The following DHX40 variants were observed in gnomAD, a reference collection of about 807,000 sequenced individuals.
DHX40 encodes the protein DEAH-box helicase 40, also known as probable ATP-dependent RNA helicase DHX40.
DHX40 carries 28 observed loss-of-function variants against 89.6 expected under a neutral mutation model. The ratio of observed to expected loss-of-function variants is 0.31; its 90% CI spans 0.23 to 0.43. DHX40 has a LOEUF of 0.43. Among genes scored for constraint, DHX40 ranks in the 20% least tolerant of loss-of-function variants. The probability of loss-of-function intolerance (pLI) is 1.00; values close to 1 mark genes in which losing one functional copy is unlikely to be tolerated. For synonymous variants in DHX40, 226 were observed against 283.6 expected (o/e 0.80, Z 2.04); for missense variants, 457 against 844.0 (o/e 0.54, Z 5.68).
In DHX40 at chr17:59,570,103, TTATAA is replaced by T. The variant is rs527849005; in HGVS notation, c.281-410_281-406del. ...ATTTATATATAATATATAGTATATATTATAATATATTATAATGTATATTTATATAT... is the reference window on the plus strand; with the variant it reads ...ATTTATATATAATATATAGTATATATTATATTATAATGTATATTTATATAT... On this transcript the variant is annotated intron_variant, in intron 2 of 17. Coordinates refer to ENST00000251241, the MANE Select transcript of DHX40 (RefSeq NM_024612.5). 1.5e-3 allele frequency among the ~76,000 whole-genome samples: 198 copies of T among 127,792 alleles called. No homozygotes were observed. The East Asian group carries it at 0.028, about 18-fold the overall frequency. The allele number at this position is 127,792 out of a possible 152,430, so 83.8% of individuals were successfully genotyped here. A position where few individuals can be genotyped will look rare whatever the true frequency, so the allele number is the denominator to read the frequency against.
chr17:59,588,633 GGTT>G (rs534734070), intron 12 of DHX40, among the ~76,000 whole-genome samples: 2,622 of 151,982 alleles, frequency 0.017, 82 homozygotes, highest in African/African-American at 0.06. Context: ...CGCCCAGCCG[GGTT>G]GTTTTCTTAT....
chr17:59,587,572 C>G lies in DHX40; in HGVS notation c.1425-324C>G, dbSNP rs557511592. On this transcript the variant is annotated intron_variant, in intron 11 of 17. Transcript: ENST00000251241. ...TCCCGGGTTTGAGTGATTCTCCTGC[C>G]TCAGCCTCCCAAGTAGCAGGGACTA... 7.3e-3 allele frequency among the ~76,000 whole-genome samples: 1,110 copies of G among 151,426 alleles called. 12 individuals are homozygous for G. Among genetic ancestry groups the G allele is most frequent in the African/African-American group, 0.026 (1,060 of 41,218 alleles).
intron 2 of DHX40, among the ~76,000 whole-genome samples, chr17:59,569,806 G>C (rs2048766500): frequency 6.9e-6 from 1 of 145,364 alleles, no homozygotes; most frequent in Non-Finnish European, 1.5e-5. Flanking sequence ...AGTACTTTGG[G>C]AGGCAGAGGC....
At chr17:59,588,077 G>A in intron 12 of DHX40, 24 bp downstream of exon 12, 1 of 1,610,070 alleles carries the variant, frequency 6.2e-7, no homozygotes. Context: ...TTTAAGTTGT[G>A]TTTTTTAAAA....
intron 12 of DHX40, among the ~76,000 whole-genome samples, chr17:59,591,616 C>T (rs1032926111): frequency 6.6e-6 from 1 of 151,028 alleles, no homozygotes; most frequent in African/African-American, 2.4e-5. Context: ...TATATAATTT[C>T]AAATAAGAAT....
chr17:59,577,418 A>T, intron 8 of DHX40, 53 bp downstream of exon 8: 1 of 1,448,754 alleles, frequency 6.9e-7, no homozygotes, highest in Non-Finnish European at 9.7e-7. Flanking sequence ...GTTACTAAAC[A>T]TTAGCTAAAC....
chr17:59,606,136 T>C (rs2030837249), intron 17 of DHX40, among the ~76,000 whole-genome samples: 2 of 151,920 alleles, frequency 1.3e-5, no homozygotes, highest in South Asian at 4.2e-4. Context: ...AGCCTCTGCC[T>C]CCCGGTTCAA....
chr17:59,599,569 CT>C, intron 14 of DHX40, 86 bp downstream of exon 14: 1 of 993,520 alleles, frequency 1.0e-6, no homozygotes, highest in Non-Finnish European at 1.4e-6. Context: ...CATTAGCACC[CT>C]TTCTATTCTA....
chr17:59,602,515 T>C lies in DHX40; in HGVS notation c.1807-7T>C, dbSNP rs1334041924. 6.2e-7 allele frequency: 1 copy of C among 1,608,630 alleles called. No individual in the cohort carries two copies. The highest frequency in any genetic ancestry group is 2.2e-5 in the East Asian group (1 of 44,800). ...GATTTACCACTCTCTACATATTCTTTTTATAGCAAAGTGATTTCCCAAAAG... is the reference window on the plus strand; with the variant it reads ...GATTTACCACTCTCTACATATTCTTCTTATAGCAAAGTGATTTCCCAAAAG... On this transcript the variant is annotated splice_polypyrimidine_tract_variant and splice_region_variant and intron_variant, in intron 14 of 17. Transcript: ENST00000251241.
In DHX40 at chr17:59,572,964, T is replaced by A. The variant is rs577832134; in HGVS notation, c.427-152T>A. The A allele has an allele frequency of 6.8e-5, 50 of 738,522 alleles. No homozygotes were observed. The Admixed American group carries it at 1.2e-3, about 17-fold the overall frequency. The allele number at this position is 738,522 out of a possible 1,614,324, so 45.7% of individuals were successfully genotyped here. A position where few individuals can be genotyped will look rare whatever the true frequency, so the allele number is the denominator to read the frequency against. The stretch of plus-strand genomic sequence containing the variant: ...TGTATAGACAGCATGTTTTGTAACT[T>A]ACCATCATTTTGTATACATAAGTTA... On this transcript the variant is annotated intron_variant, in intron 3 of 17. Coordinates refer to ENST00000251241, the MANE Select transcript of DHX40 (RefSeq NM_024612.5).
At chr17:59,570,491 G>A in intron 2 of DHX40, 27 bp from the exon 3 acceptor site, 2 of 1,574,198 alleles carry the variant, frequency 1.3e-6, no homozygotes, top group African/African-American at 1.4e-5. Context: ...TAACATTGTT[G>A]TGTTTCTTTA....
At chr17:59,591,260 G>A (rs1377286242) in intron 12 of DHX40, among the ~76,000 whole-genome samples, 16 of 151,434 alleles carry the variant, frequency 1.1e-4, no homozygotes, top group South Asian at 2.1e-4. Flanking sequence ...AGCTGAGATC[G>A]TGCCACTGCA....
intron 1 of DHX40, 96 bp from the exon 2 acceptor site, chr17:59,566,531 C>T (rs1249830107): frequency 1.5e-5 from 19 of 1,266,706 alleles, no homozygotes; most frequent in Non-Finnish European, 2.0e-5. Flanking sequence ...CCGTCCAGCC[C>T]TAAAATTCTA....
chr17:59,570,739 C>T (rs1433654101), intron 3 of DHX40, 76 bp downstream of exon 3: 7 of 1,446,434 alleles, frequency 4.8e-6, no homozygotes, highest in Admixed American at 2.2e-5. Flanking sequence ...GCCTGGAGTG[C>T]GTGGCGCAAT....
chr17:59,586,534 T>G (rs2048999557), intron 11 of DHX40, among the ~76,000 whole-genome samples: 1 of 151,358 alleles, frequency 6.6e-6, no homozygotes, highest in African/African-American at 2.4e-5. Context: ...GGCGTGGTGG[T>G]GGGCGCCTGT....
chr17:59,568,924 A>G lies in DHX40; in HGVS notation c.281-1594A>G, dbSNP rs564521832. Among the ~76,000 whole-genome samples, 6 of 151,828 alleles carry G rather than the reference A, an allele frequency of 4.0e-5. No homozygotes were observed. The South Asian group carries it at 1.0e-3, about 26-fold the overall frequency. ...ACTATGTCGCCCAGGCTGATCTCAA[A>G]CTCCTGAGTTCAAGCAATCCTCCTA... is the stretch of plus-strand genomic sequence containing the variant. On this transcript the variant is annotated intron_variant, in intron 2 of 17. Transcript: ENST00000251241.
At chr17:59,581,068 C>T (rs1300369481) in intron 10 of DHX40, among the ~76,000 whole-genome samples, 2 of 150,156 alleles carry the variant, frequency 1.3e-5, no homozygotes, top group African/African-American at 2.5e-5. Flanking sequence ...GTCAACAGAG[C>T]GAGATTCTGT....
At chr17:59,597,732 C>G (rs1289890867) in intron 12 of DHX40, among the ~76,000 whole-genome samples, 1 of 149,782 alleles carries the variant, frequency 6.7e-6, no homozygotes, top group Non-Finnish European at 1.5e-5. Flanking sequence ...GTCAGGAGAT[C>G]GAGACCATCC....
At chr17:59,570,198 A>G (rs1377736915) in intron 2 of DHX40, among the ~76,000 whole-genome samples, 2 of 118,454 alleles carry the variant, frequency 1.7e-5, no homozygotes, top group Non-Finnish European at 3.2e-5. Context: ...TATATAATAT[A>G]TTATAATATA....
Sources: allele counts gnomAD v4.1 joint callset (sites outside exome capture counted in the v4.1 genomes callset), GRCh38; gene constraint gnomAD v4.1.1; transcripts MANE v1.5; gene names NCBI Gene and HGNC (gene_info 2026-07-23, HGNC 2026-07-21).